Variants in SORBS2 observed in about 807,000 individuals in gnomAD.
SORBS2 encodes the protein sorbin and SH3 domain containing 2.
Under a neutral mutation model 97.7 loss-of-function variants are expected in SORBS2, and 46 were observed. The observed-to-expected ratio is 0.47, with a 90% CI of 0.37 to 0.60. The LOEUF is 0.60. Ranked by LOEUF, SORBS2 falls within the 20% of genes least tolerant of loss-of-function variation. SORBS2 has a pLI of 0.00. For synonymous variants in SORBS2, 476 were observed against 473.4 expected, an observed-to-expected ratio of 1.01 and a Z score of -0.07; for missense variants, 1,316 against 1,282.3, an observed-to-expected ratio of 1.03 and a Z score of -0.40.
At chr4:185,871,202 T>C (rs1488067478) in intron 1 of SORBS2, among the ~76,000 whole-genome samples, 1 of 152,198 alleles carries the variant, frequency 6.6e-6, no homozygotes, top group Non-Finnish European at 1.5e-5. Context: ...TTTTGTACCT[T>C]AACAAAAAGT....
At chr4:185,752,245 T>A (rs2098804786) in intron 2 of SORBS2, among the ~76,000 whole-genome samples, 1 of 152,238 alleles carries the variant, frequency 6.6e-6, no homozygotes, top group Non-Finnish European at 1.5e-5. Flanking sequence ...TTTTAAAATA[T>A]GTACATATAC....
chr4:185,806,648 C>T (rs577162879), intron 1 of SORBS2, among the ~76,000 whole-genome samples: 8 of 151,496 alleles, frequency 5.3e-5, no homozygotes, highest in African/African-American at 1.9e-4. Flanking sequence ...TTAGTAGAGA[C>T]GGGGTTTCAC....
At chr4:185,711,016 C>T (rs2098415600) in intron 2 of SORBS2, among the ~76,000 whole-genome samples, 1 of 152,076 alleles carries the variant, frequency 6.6e-6, no homozygotes, top group African/African-American at 2.4e-5. Flanking sequence ...ATTGCCCAGG[C>T]TGGAGTGCCG....
chr4:185,941,295 G>A (rs2099271869), intron 1 of SORBS2, among the ~76,000 whole-genome samples: 1 of 152,148 alleles, frequency 6.6e-6, no homozygotes, highest in Admixed American at 6.5e-5. Context: ...GATCAAGTTG[G>A]AGAGCTAGAA....
At position 185,740,762 on chromosome 4, in the gene SORBS2, C is replaced by T. The variant is rs144808554; in HGVS notation, c.-198+34465G>A. On this transcript the variant is annotated intron_variant, in intron 2 of 20. Transcript: ENST00000284776. Reference sequence around the variant, plus strand: ...TCAGCCCAGCACCAGCTCAGCCCAACGCTAACTCAGCCCAGCACCAACTCA... The same window carrying T: ...TCAGCCCAGCACCAGCTCAGCCCAATGCTAACTCAGCCCAGCACCAACTCA... Among the ~76,000 whole-genome samples, 680 of 150,046 alleles carry T rather than the reference C, an allele frequency of 4.5e-3. 4 individuals are homozygous for T. The highest frequency in any genetic ancestry group is 0.016 in the African/African-American group (634 of 40,880).
chr4:185,906,450 C>G (rs1409925574), intron 1 of SORBS2, among the ~76,000 whole-genome samples: 1 of 152,218 alleles, frequency 6.6e-6, no homozygotes, highest in Admixed American at 6.5e-5. Flanking sequence ...ACCCTCTCTA[C>G]AGACATTAGG....
intron 2 of SORBS2, among the ~76,000 whole-genome samples, chr4:185,733,822 C>G (rs919774661): frequency 5.3e-5 from 8 of 152,172 alleles, no homozygotes; most frequent in Non-Finnish European, 7.3e-5. Context: ...TTCTCCTGGC[C>G]TCATTTCCTC....
chr4:185,796,228 A>G (rs911133638), intron 1 of SORBS2, among the ~76,000 whole-genome samples: 9 of 152,166 alleles, frequency 5.9e-5, no homozygotes, highest in African/African-American at 1.7e-4. Context: ...TCTTGAATTC[A>G]TTCCCACCCT....
chr4:185,602,103 C>T (rs772698315), intron 12 of SORBS2, among the ~76,000 whole-genome samples: 1 of 152,172 alleles, frequency 6.6e-6, no homozygotes, highest in South Asian at 2.1e-4. Context: ...CTCTGCCTCC[C>T]GGGTTCAAGC....
At chr4:185,683,286 G>A (rs890035685) in intron 2 of SORBS2, among the ~76,000 whole-genome samples, 4 of 151,592 alleles carry the variant, frequency 2.6e-5, no homozygotes, top group African/African-American at 7.3e-5. Flanking sequence ...CTATGAAGTC[G>A]AGTTATATGA....
chr4:185,801,730 C>A (rs1440813879), intron 1 of SORBS2, among the ~76,000 whole-genome samples: 1 of 152,124 alleles, frequency 6.6e-6, no homozygotes, highest in Non-Finnish European at 1.5e-5. Context: ...ATTTCTTAAT[C>A]TTTCCATGTG....
chr4:185,864,986 G>A (rs1224791740), intron 1 of SORBS2, among the ~76,000 whole-genome samples: 1 of 151,986 alleles, frequency 6.6e-6, no homozygotes, highest in African/African-American at 2.4e-5. Context: ...GGATGAACGG[G>A]AGGGGCGGAC....
At chr4:185,689,587 C>T (rs1400163812) in intron 2 of SORBS2, among the ~76,000 whole-genome samples, 4 of 152,186 alleles carry the variant, frequency 2.6e-5, no homozygotes, top group Admixed American at 2.6e-4. Context: ...ACTGCATCCC[C>T]AGGAGCCCGC....
chr4:185,863,818 A>G (rs2099225274), intron 1 of SORBS2, among the ~76,000 whole-genome samples: 1 of 152,152 alleles, frequency 6.6e-6, no homozygotes, highest in Non-Finnish European at 1.5e-5. Context: ...ATTAAATATA[A>G]CCTCTTCATT....
chr4:185,899,534 TC>T (rs1415279502), intron 1 of SORBS2, among the ~76,000 whole-genome samples: 2 of 151,922 alleles, frequency 1.3e-5, no homozygotes, highest in African/African-American at 4.8e-5. Flanking sequence ...TAAGCGATCC[TC>T]CCCCCTCAGC....
At chr4:185,799,401 G>C (rs892803911) in intron 1 of SORBS2, among the ~76,000 whole-genome samples, 1 of 152,220 alleles carries the variant, frequency 6.6e-6, no homozygotes, top group Non-Finnish European at 1.5e-5. Flanking sequence ...ACCGGGTAGT[G>C]GGAAGTTTTC....
chr4:185,783,861 G>A (rs1359050532), intron 1 of SORBS2, among the ~76,000 whole-genome samples: 1 of 152,182 alleles, frequency 6.6e-6, no homozygotes, highest in Non-Finnish European at 1.5e-5. Flanking sequence ...TCTGTCTGAT[G>A]TTTTATTTTA....
intron 9 of SORBS2, 84 bp downstream of exon 21, chr4:185,618,501 A>G (rs1023450009): frequency 6.0e-6 from 4 of 668,326 alleles, no homozygotes; most frequent in African/African-American, 5.4e-5. Flanking sequence ...TTTGTAACAG[A>G]TCCTACTGCA....
At chr4:185,798,309 A>C (rs1053862974) in intron 1 of SORBS2, among the ~76,000 whole-genome samples, 1 of 152,226 alleles carries the variant, frequency 6.6e-6, no homozygotes, top group Non-Finnish European at 1.5e-5. Flanking sequence ...CATAAAATAA[A>C]TAACTTTTGC....
Sources: allele counts gnomAD v4.1 joint callset (sites outside exome capture counted in the v4.1 genomes callset), GRCh38; gene constraint gnomAD v4.1.1; transcripts MANE v1.5; gene names NCBI Gene and HGNC (gene_info 2026-07-23, HGNC 2026-07-21).